Variants in UNC13C observed in about 807,000 individuals in gnomAD.
UNC13C encodes unc-13 homolog C.
In UNC13C, 174 loss-of-function variants were observed where a neutral mutation model predicts 245.4. The ratio of observed to expected loss-of-function variants is 0.71; its 90% CI spans 0.63 to 0.80. The LOEUF (loss-of-function observed/expected upper bound fraction) is 0.80. Among genes scored for constraint, UNC13C ranks in the 30% least tolerant of loss-of-function variants. UNC13C has a pLI of 0.00. For missense variants in UNC13C, 2,829 were observed against 2,602.9 expected (o/e 1.09, Z -1.89); for synonymous variants, 992 against 895.1 (o/e 1.11, Z -1.93).
At chr15:54,353,443 A>G (rs2039027776) in intron 17 of UNC13C, among the ~76,000 whole-genome samples, 2 of 152,186 alleles carry the variant, frequency 1.3e-5, no homozygotes, top group African/African-American at 2.4e-5. Context: ...CAATCAATCA[A>G]TAAAACAAAA....
At chr15:54,276,721 A>C (rs2036843275) in intron 10 of UNC13C, among the ~76,000 whole-genome samples, 1 of 152,108 alleles carries the variant, frequency 6.6e-6, no homozygotes, top group Admixed American at 6.6e-5. Flanking sequence ...CTCAAAATTA[A>C]AAGAATGTGC....
At chr15:54,436,008 G>A (rs1036515728) in intron 19 of UNC13C, among the ~76,000 whole-genome samples, 1 of 151,968 alleles carries the variant, frequency 6.6e-6, no homozygotes, top group South Asian at 2.1e-4. Context: ...GGTCATTAAA[G>A]AAATGCAAAT....
intron 4 of UNC13C, among the ~76,000 whole-genome samples, chr15:54,187,928 GTC>G (rs763117591): frequency 1.6e-4 from 24 of 152,062 alleles, no homozygotes; most frequent in Admixed American, 2.6e-4. Flanking sequence ...TCCTGCCTCA[GTC>G]TCCCAAGTAG....
At chr15:53,905,154 TA>T in the UNC13C span, among the ~76,000 whole-genome samples, 1 of 151,978 alleles carries the variant, frequency 6.6e-6, no homozygotes, top group Non-Finnish European at 1.5e-5. Context: ...TGAAGGTTCC[TA>T]AAAAAATTAA....
At chr15:54,265,585 AT>A in intron 10 of UNC13C, 89 bp downstream of exon 10, 2 of 1,011,420 alleles carry the variant, frequency 2.0e-6, no homozygotes, top group Non-Finnish European at 2.7e-6. Context: ...TAATTATCTC[AT>A]TTTTTAATAA....
intron 2 of UNC13C, among the ~76,000 whole-genome samples, chr15:54,079,057 T>C (rs924370064): frequency 4.6e-5 from 7 of 152,274 alleles, no homozygotes; most frequent in African/African-American, 1.7e-4. Context: ...GCACTATTTA[T>C]TGAATACGGT....
the UNC13C span, among the ~76,000 whole-genome samples, chr15:53,916,993 A>G: frequency 0.012 from 1,850 of 152,326 alleles, 33 homozygotes; most frequent in African/African-American, 0.042. Flanking sequence ...GGCATAAAAG[A>G]ATCAGATGAC....
At chr15:54,403,904 G>T (rs781095775) in intron 18 of UNC13C, among the ~76,000 whole-genome samples, 3 of 152,050 alleles carry the variant, frequency 2.0e-5, no homozygotes, top group Non-Finnish European at 2.9e-5. Flanking sequence ...TGGTACAAGA[G>T]AACCTAAGTA....
intron 28 of UNC13C, among the ~76,000 whole-genome samples, chr15:54,554,964 A>G (rs972534931): frequency 6.6e-6 from 1 of 152,028 alleles, no homozygotes; most frequent in African/African-American, 2.4e-5. Context: ...TTTTCCCAGG[A>G]ATGAGTAAGA....
the UNC13C span, among the ~76,000 whole-genome samples, chr15:53,917,578 T>G: frequency 0.1 from 15,881 of 152,142 alleles, 1,184 homozygotes; most frequent in East Asian, 0.32. Flanking sequence ...AAATTTTGGA[T>G]TTAGAGTAGC....
intron 19 of UNC13C, among the ~76,000 whole-genome samples, chr15:54,420,075 C>T (rs2040606423): frequency 6.6e-6 from 1 of 151,996 alleles, no homozygotes; most frequent in African/African-American, 2.4e-5. Flanking sequence ...AGATCCCCTG[C>T]AGTAGCACCA....
At chr15:54,035,147 A>G (rs574556348) in intron 2 of UNC13C, among the ~76,000 whole-genome samples, 1 of 152,322 alleles carries the variant, frequency 6.6e-6, no homozygotes, top group East Asian at 1.9e-4. Flanking sequence ...GAAAAACAGT[A>G]TACAACCTAC....
intron 17 of UNC13C, among the ~76,000 whole-genome samples, chr15:54,379,354 T>C (rs1204275499): frequency 2.6e-5 from 4 of 152,108 alleles, no homozygotes; most frequent in Admixed American, 6.6e-5. Flanking sequence ...AGATACATCT[T>C]TCATTATCAT....
chr15:54,486,543 C>T (rs1241985832), intron 19 of UNC13C, among the ~76,000 whole-genome samples: 2 of 151,916 alleles, frequency 1.3e-5, no homozygotes, highest in African/African-American at 4.8e-5. Context: ...GAATGAAATC[C>T]ACATTTTAGT....
chr15:54,582,706 C>G (rs1416445959), intron 30 of UNC13C, among the ~76,000 whole-genome samples: 1 of 152,130 alleles, frequency 6.6e-6, no homozygotes, highest in Non-Finnish European at 1.5e-5. Flanking sequence ...CTGGGTAAAT[C>G]AGTGTGCCTA....
intron 30 of UNC13C, among the ~76,000 whole-genome samples, chr15:54,604,084 T>C (rs929299684): frequency 1.6e-4 from 24 of 152,252 alleles, no homozygotes; most frequent in African/African-American, 5.8e-4. Flanking sequence ...CACCCTCAGC[T>C]TGTTGATGTG....
intron 2 of UNC13C, among the ~76,000 whole-genome samples, chr15:54,062,044 G>A (rs894420896): frequency 6.6e-6 from 1 of 152,026 alleles, no homozygotes; most frequent in Non-Finnish European, 1.5e-5. Flanking sequence ...CCTCAGTCGG[G>A]CGTGGTGGCT....
chr15:54,199,864 A>G (rs984012109), intron 4 of UNC13C, among the ~76,000 whole-genome samples: 5 of 152,136 alleles, frequency 3.3e-5, no homozygotes, highest in African/African-American at 1.2e-4. Context: ...TTGAATGTAA[A>G]TGGCCTAAAT....
intron 17 of UNC13C, among the ~76,000 whole-genome samples, chr15:54,386,806 G>A (rs988032308): frequency 6.6e-6 from 1 of 152,302 alleles, no homozygotes; most frequent in Admixed American, 6.5e-5. Context: ...AGTGGAGGTA[G>A]CATTAGGTGG....
Sources: gnomAD v4.1 joint callset for allele counts (sites outside exome capture counted in the v4.1 genomes callset) on GRCh38, gnomAD v4.1.1 for gene constraint, MANE v1.5 for transcripts, NCBI Gene and HGNC (gene_info 2026-07-23, HGNC 2026-07-21) for gene names.